Variants in STXBP5L observed in about 807,000 individuals in gnomAD.
The protein encoded by STXBP5L is syntaxin-binding protein 5-like.
Under a neutral mutation model 144.5 loss-of-function variants are expected in STXBP5L, and 65 were observed. The observed-to-expected ratio is 0.45, with a 90% confidence interval of 0.37 to 0.55. STXBP5L has a LOEUF of 0.55. STXBP5L is among the 20% of genes least tolerant of loss of function. STXBP5L has a pLI of 0.00. For synonymous variants in STXBP5L, 505 were observed against 469.6 expected, an observed-to-expected ratio of 1.08 and a Z score of -0.97; for missense variants, 1,298 against 1,405.5, an observed-to-expected ratio of 0.92 and a Z score of 1.22.
chr3:121,050,467 T>G (rs1219150155), intron 5 of STXBP5L, among the ~76,000 whole-genome samples: 1 of 152,142 alleles, frequency 6.6e-6, no homozygotes, highest in African/African-American at 2.4e-5. Flanking sequence ...ACCCAGAATT[T>G]CATATCCAGC....
intron 20 of STXBP5L, among the ~76,000 whole-genome samples, chr3:121,332,523 G>A (rs1261864741): frequency 6.6e-6 from 1 of 150,644 alleles, no homozygotes; most frequent in Admixed American, 6.6e-5. Context: ...GAATTTCAGA[G>A]CTTCAAGACA....
At chr3:120,975,394 G>T (rs866264197) in intron 3 of STXBP5L, among the ~76,000 whole-genome samples, 3 of 152,250 alleles carry the variant, frequency 2.0e-5, no homozygotes, top group Middle Eastern at 6.8e-3. Flanking sequence ...CATTGATTTT[G>T]TATCCTGAGA....
intron 7 of STXBP5L, among the ~76,000 whole-genome samples, chr3:121,132,672 G>T (rs1434168487): frequency 6.6e-6 from 1 of 152,084 alleles, no homozygotes; most frequent in Admixed American, 6.6e-5. Context: ...CAACCCTAAT[G>T]AAATAGATTT....
At chr3:121,019,516 C>G (rs1476969287) in intron 3 of STXBP5L, among the ~76,000 whole-genome samples, 2 of 152,182 alleles carry the variant, frequency 1.3e-5, no homozygotes, top group African/African-American at 2.4e-5. Context: ...ACAGAGTCCA[C>G]TTCACTCCCC....
At chr3:120,982,933 G>T (rs1941931411) in intron 3 of STXBP5L, among the ~76,000 whole-genome samples, 2 of 152,334 alleles carry the variant, frequency 1.3e-5, no homozygotes, top group South Asian at 4.1e-4. Context: ...CTGTGATAGG[G>T]AGGAGTGGGC....
At chr3:121,053,971 C>T (rs922098133) in intron 5 of STXBP5L, among the ~76,000 whole-genome samples, 1 of 152,068 alleles carries the variant, frequency 6.6e-6, no homozygotes, top group Non-Finnish European at 1.5e-5. Context: ...ATTTATGCAG[C>T]CAAAAGACAC....
rs375232715 is a variant in STXBP5L, at chr3:121,416,499, AT to A, written c.3226+534del. Among the ~76,000 whole-genome samples, 16 of 114,242 alleles carry A rather than the reference AT, an allele frequency of 1.4e-4. No homozygotes were observed. The East Asian group carries it at 1.4e-3, about 10-fold the overall frequency. The allele number at this position is 114,242 out of a possible 152,430, so 74.9% of individuals were successfully genotyped here. A position where few individuals can be genotyped will look rare whatever the true frequency, so the allele number is the denominator to read the frequency against. ...TATTTATTTATTTATTTATTTATTT[AT>A]TTATTTATTATTTATTTATTTATTT... On this transcript the variant is annotated intron_variant, in intron 25 of 26. Transcript: ENST00000471454.
At chr3:120,925,776 C>T (rs1014350678) in intron 2 of STXBP5L, among the ~76,000 whole-genome samples, 2 of 152,042 alleles carry the variant, frequency 1.3e-5, no homozygotes, top group African/African-American at 4.8e-5. Context: ...AGTAATATGT[C>T]TTAATTTGTT....
At chr3:120,976,998 G>T (rs1352989599) in intron 3 of STXBP5L, among the ~76,000 whole-genome samples, 1 of 152,044 alleles carries the variant, frequency 6.6e-6, no homozygotes, top group Non-Finnish European at 1.5e-5. Context: ...GTGTGGTGTG[G>T]TGCTGAAAAA....
intron 9 of STXBP5L, chr3:121,158,181 T>G (rs1394738790): frequency 6.6e-6 from 1 of 152,388 alleles, no homozygotes; most frequent in African/African-American, 2.4e-5. Context: ...GGATTTATAT[T>G]GGATCTGTAT....
chr3:121,007,267 A>G (rs1447305429), intron 3 of STXBP5L, among the ~76,000 whole-genome samples: 1 of 152,042 alleles, frequency 6.6e-6, no homozygotes, highest in Non-Finnish European at 1.5e-5. Context: ...TCTATCTTAT[A>G]TATTGTTCTT....
chr3:121,161,984 T>C (rs1252432885), intron 9 of STXBP5L, among the ~76,000 whole-genome samples: 5 of 152,104 alleles, frequency 3.3e-5, no homozygotes, highest in Non-Finnish European at 7.4e-5. Flanking sequence ...ATGATGCAAT[T>C]AGACAACACA....
At chr3:121,052,548 C>A (rs1457768774) in intron 5 of STXBP5L, among the ~76,000 whole-genome samples, 1 of 152,158 alleles carries the variant, frequency 6.6e-6, no homozygotes, top group African/African-American at 2.4e-5. Flanking sequence ...TTCAACAACC[C>A]TTCATGCTAA....
intron 3 of STXBP5L, among the ~76,000 whole-genome samples, chr3:121,010,129 G>A (rs1203335545): frequency 6.6e-6 from 1 of 151,672 alleles, no homozygotes; most frequent in East Asian, 1.9e-4. Flanking sequence ...TAATTAATTG[G>A]GCATATGGGG....
At chr3:121,104,896 A>G (rs576921273) in intron 5 of STXBP5L, among the ~76,000 whole-genome samples, 1 of 152,318 alleles carries the variant, frequency 6.6e-6, no homozygotes, top group South Asian at 2.1e-4. Flanking sequence ...ACTTAGTTAA[A>G]CTAAAAAGCT....
chr3:121,137,701 G>C (rs888861630), intron 7 of STXBP5L, among the ~76,000 whole-genome samples: 1 of 151,976 alleles, frequency 6.6e-6, no homozygotes, highest in East Asian at 1.9e-4. Context: ...TTTAATACAC[G>C]GAGAAAAGGC....
intron 2 of STXBP5L, among the ~76,000 whole-genome samples, chr3:120,951,064 A>G (rs1391032744): frequency 6.6e-6 from 1 of 152,158 alleles, no homozygotes; most frequent in Non-Finnish European, 1.5e-5. Context: ...AGGATTCCCT[A>G]TTTAATAAAT....
At chr3:121,345,470 C>A (rs888233522) in intron 20 of STXBP5L, among the ~76,000 whole-genome samples, 3 of 152,046 alleles carry the variant, frequency 2.0e-5, no homozygotes, top group Non-Finnish European at 4.4e-5. Context: ...AATAAACATA[C>A]GTGTGCATAT....
intron 19 of STXBP5L, chr3:121,282,277 A>T: frequency 6.2e-7 from 1 of 1,611,608 alleles, no homozygotes; most frequent in Non-Finnish European, 8.5e-7. Flanking sequence ...CAACTTTTGC[A>T]TGCGTGGCCT....
Sources: gnomAD v4.1 joint callset for allele counts (sites outside exome capture counted in the v4.1 genomes callset) on GRCh38, gnomAD v4.1.1 for gene constraint, MANE v1.5 for transcripts, NCBI Gene and HGNC (gene_info 2026-07-23, HGNC 2026-07-21) for gene names.